NPRL3: variants seen among roughly 807,000 people sequenced by gnomAD.
The protein encoded by NPRL3 is GATOR1 complex protein NPRL3.
A neutral mutation model predicts 57.2 loss-of-function variants in NPRL3; 23 were observed. That is an observed-to-expected ratio of 0.40 (90% confidence interval 0.29 to 0.57). NPRL3 has a LOEUF of 0.57. NPRL3 is among the 20% of genes least tolerant of loss of function. NPRL3 has a pLI of 0.42. For missense variants in NPRL3, 691 were observed against 767.1 expected (o/e 0.90, Z 1.17); for synonymous variants, 333 against 321.1 (o/e 1.04, Z -0.39).
chr16:90,280 C>T (rs188560587), intron 11 of NPRL3: 53 of 240,082 alleles, frequency 2.2e-4, no homozygotes, highest in South Asian at 4.9e-4. Flanking sequence ...CTTTGGCCCA[C>T]TGGCCCTGGA....
At chr16:106,495 G>A (rs2032509) in intron 7 of NPRL3, among the ~76,000 whole-genome samples, 49,773 of 151,406 alleles carry the variant, frequency 0.33, 9,158 homozygotes, top group East Asian at 0.53. Context: ...CTATTCAGGC[G>A]TGGGGGCGGG....
At chr16:95,350 T>TATACACACAC (rs1223611120) in intron 9 of NPRL3, among the ~76,000 whole-genome samples, 5 of 110,990 alleles carry the variant, frequency 4.5e-5, no homozygotes, top group African/African-American at 1.5e-4. Context: ...TATATATATA[T>TATACACACAC]ACACACACAC....
rs1900182746 is a variant in NPRL3, at chr16:119,220, G to A, written c.224C>T (p.Thr75Ile). 3 of 1,611,110 alleles carry A rather than the reference G, an allele frequency of 1.9e-6. No individual in the cohort carries two copies. Among genetic ancestry groups the A allele is most frequent in the African/African-American group, 2.7e-5 (2 of 74,996 alleles). Residue 75 changes from threonine to isoleucine, a missense_variant, in exon 4 of 14, where the codon ACC becomes ATC. Coordinates refer to ENST00000611875, the MANE Select transcript of NPRL3 (RefSeq NM_001077350.3). ...SDVILATILATKSEMCGQKFE... is the reference protein window; with the variant it reads ...SDVILATILAIKSEMCGQKFE... ...TTTTTGGCCACACATTTCAGACTTG[G>A]TTGCCAAAATTGTTGCCAGAATAAC...
chr16:129,964 T>C (rs2141980419), intron 3 of NPRL3, among the ~76,000 whole-genome samples: 1 of 152,264 alleles, frequency 6.6e-6, no homozygotes, highest in East Asian at 1.9e-4. Context: ...GTTTCTACCC[T>C]GGTAGTGCCT....
At chr16:121,961 G>C (rs1900300876) in intron 3 of NPRL3, among the ~76,000 whole-genome samples, 1 of 152,034 alleles carries the variant, frequency 6.6e-6, no homozygotes, top group African/African-American at 2.4e-5. Context: ...TTTTAGTAGA[G>C]ACGGGGTTTC....
chr16:124,619 T>G (rs543131084), intron 3 of NPRL3, among the ~76,000 whole-genome samples: 1 of 152,204 alleles, frequency 6.6e-6, no homozygotes, highest in African/African-American at 2.4e-5. Context: ...GTCATATGAA[T>G]TTCACCAGCT....
intron 13 of NPRL3, among the ~76,000 whole-genome samples, chr16:87,905 G>A (rs1452788222): frequency 1.3e-5 from 2 of 150,628 alleles, no homozygotes; most frequent in Admixed American, 1.3e-4. Context: ...CCATCATTTG[G>A]AAGGTCACTG....
At chr16:121,248 A>G (rs1900266016) in intron 3 of NPRL3, among the ~76,000 whole-genome samples, 2 of 152,038 alleles carry the variant, frequency 1.3e-5, no homozygotes, top group Admixed American at 1.3e-4. Context: ...CGCCCTCACA[A>G]CAGCCAAATA....
rs753953832 is a variant in NPRL3 at position 112,632 on chromosome 16, G to A, written c.537C>T (p.Ala179=). 1.9e-6 allele frequency: 3 copies of A among 1,587,266 alleles called. No individual in the cohort carries two copies. Among genetic ancestry groups the A allele is most frequent in the Non-Finnish European group, 2.6e-6 (3 of 1,164,300 alleles). Residue 179 remains alanine, a synonymous_variant, in exon 6 of 14, where the codon GCC becomes GCT. Coordinates refer to ENST00000611875, the MANE Select transcript of NPRL3 (RefSeq NM_001077350.3). ...CCCTGCTGCACTCACCATCAGCCATGGCGGACACCTCATCCTGGAGCGCCA... is the reference window on the plus strand; with the variant it reads ...CCCTGCTGCACTCACCATCAGCCATAGCGGACACCTCATCCTGGAGCGCCA... ...LILALQDEVS[A]MADGNEGPQS... is the part of the protein sequence containing the mutation.
intron 4 of NPRL3, among the ~76,000 whole-genome samples, chr16:118,494 A>T (rs1321842885): frequency 6.6e-6 from 1 of 152,190 alleles, no homozygotes; most frequent in Non-Finnish European, 1.5e-5. Context: ...GGGTTTCACG[A>T]TGCTAGTTAA....
intron 7 of NPRL3, among the ~76,000 whole-genome samples, chr16:108,969 C>CA (rs1026598870): frequency 4.0e-5 from 6 of 148,208 alleles, no homozygotes; most frequent in African/African-American, 1.5e-4. Context: ...CGCGCCCGGC[C>CA]TTTTTTTTTT....
At chr16:116,795 C>CCG (rs1555443782) in intron 5 of NPRL3, among the ~76,000 whole-genome samples, 3 of 144,402 alleles carry the variant, frequency 2.1e-5, no homozygotes, top group African/African-American at 5.2e-5. Context: ...AGACCCCCCC[C>CCG]CCCCACCGAT....
At chr16:138,069 C>T (rs1402662674) in intron 2 of NPRL3, 81 bp downstream of exon 2, 2 of 1,045,338 alleles carry the variant, frequency 1.9e-6, no homozygotes, top group Non-Finnish European at 2.9e-6. Context: ...AGCTAAGCTC[C>T]GCGAGGCGGC....
At chr16:130,403 GAAA>G in intron 3 of NPRL3, 116 bp downstream of exon 3, 2 of 1,012,114 alleles carry the variant, frequency 2.0e-6, no homozygotes, top group Non-Finnish European at 2.9e-6. Flanking sequence ...CCACTAAACG[GAAA>G]AAAACAAACA....
intron 11 of NPRL3, among the ~76,000 whole-genome samples, chr16:91,835 C>T (rs892797001): frequency 1.3e-5 from 2 of 152,224 alleles, no homozygotes; most frequent in Non-Finnish European, 2.9e-5. Context: ...TCTCCAACAC[C>T]GTATCCTATC....
At chr16:112,390 T>C (rs1233054179) in intron 6 of NPRL3, among the ~76,000 whole-genome samples, 1 of 152,212 alleles carries the variant, frequency 6.6e-6, no homozygotes, top group East Asian at 1.9e-4. Context: ...AAAATGGGGA[T>C]GATCATGGAC....
At chr16:87,387 C>T (rs1473283405) in intron 13 of NPRL3, among the ~76,000 whole-genome samples, 1 of 152,076 alleles carries the variant, frequency 6.6e-6, no homozygotes, top group Non-Finnish European at 1.5e-5. Context: ...GAGTGCGCTA[C>T]CACACCTGGC....
intron 3 of NPRL3, among the ~76,000 whole-genome samples, chr16:122,064 C>T (rs1226332474): frequency 2.0e-5 from 3 of 147,722 alleles, no homozygotes; most frequent in African/African-American, 5.0e-5. Context: ...CGTGAGCCAC[C>T]ACGCCCGGCC....
At chr16:98,912 T>A (rs1198308771) in intron 8 of NPRL3, among the ~76,000 whole-genome samples, 1 of 152,098 alleles carries the variant, frequency 6.6e-6, no homozygotes, top group East Asian at 1.9e-4. Context: ...CACTCCAGCC[T>A]GGCGACAGAG....
Sources: allele counts gnomAD v4.1 joint callset (sites outside exome capture counted in the v4.1 genomes callset), GRCh38; gene constraint gnomAD v4.1.1; transcripts MANE v1.5; gene names NCBI Gene and HGNC (gene_info 2026-07-23, HGNC 2026-07-21).